ARPP21: variants seen among roughly 807,000 people sequenced by gnomAD.
The protein encoded by ARPP21 is cAMP-regulated phosphoprotein 21.
In ARPP21, 69 loss-of-function variants were observed where a neutral mutation model predicts 113.2. The observed-to-expected ratio is 0.61, with a 90% CI of 0.50 to 0.74. The LOEUF (loss-of-function observed/expected upper bound fraction) is 0.74. ARPP21 is among the 30% of genes least tolerant of loss of function. ARPP21 has a pLI of 0.00. For missense variants in ARPP21, 1,070 were observed against 1,037.4 expected (o/e 1.03, Z -0.43); for synonymous variants, 368 against 375.5 (o/e 0.98, Z 0.23).
chr3:35,786,867 TC>T (rs2151841107), intron 19 of ARPP21, among the ~76,000 whole-genome samples: 2 of 152,226 alleles, frequency 1.3e-5, no homozygotes, highest in South Asian at 2.1e-4. Context: ...ACCCCAAAAT[TC>T]ACCTCTCTGA....
intron 9 of ARPP21, among the ~76,000 whole-genome samples, chr3:35,703,123 G>C (rs2087121700): frequency 1.3e-5 from 2 of 151,736 alleles, no homozygotes; most frequent in East Asian, 3.9e-4. Context: ...TTTATGTTTG[G>C]AAAATAAGGG....
intron 1 of ARPP21, among the ~76,000 whole-genome samples, chr3:35,646,953 C>CT (rs1345636892): frequency 6.6e-6 from 1 of 152,168 alleles, no homozygotes; most frequent in East Asian, 1.9e-4. Context: ...GGTCACAACA[C>CT]TTTTTTGTGT....
intron 19 of ARPP21, among the ~76,000 whole-genome samples, chr3:35,772,210 T>C (rs2096227863): frequency 1.3e-5 from 2 of 152,162 alleles, no homozygotes; most frequent in South Asian, 4.1e-4. Context: ...TCCGTATCAG[T>C]TATTCTTGGA....
intron 16 of ARPP21, among the ~76,000 whole-genome samples, chr3:35,737,641 G>C (rs778241057): frequency 2.6e-5 from 4 of 152,080 alleles, no homozygotes; most frequent in Non-Finnish European, 5.9e-5. Context: ...TTTTTTAAAT[G>C]TATGGAGGAG....
chr3:35,765,416 G>A (rs2095933139), intron 19 of ARPP21, among the ~76,000 whole-genome samples: 1 of 152,112 alleles, frequency 6.6e-6, no homozygotes, highest in Non-Finnish European at 1.5e-5. Flanking sequence ...GAAGGGAAAT[G>A]CTGTAATGTG....
intron 19 of ARPP21, among the ~76,000 whole-genome samples, chr3:35,785,605 C>T (rs1266407807): frequency 6.6e-6 from 1 of 152,136 alleles, no homozygotes; most frequent in African/African-American, 2.4e-5. Context: ...GGCCCCTGAG[C>T]CTGCAGTAAT....
At chr3:35,659,067 A>G (rs2149109766) in intron 1 of ARPP21, among the ~76,000 whole-genome samples, 1 of 152,338 alleles carries the variant, frequency 6.6e-6, no homozygotes, top group South Asian at 2.1e-4. Context: ...CCCACACAGC[A>G]CATATTCTCT....
intron 11 of ARPP21, among the ~76,000 whole-genome samples, chr3:35,709,946 G>A (rs2090505665): frequency 6.6e-6 from 1 of 152,182 alleles, no homozygotes. Flanking sequence ...AGCCAGCCCA[G>A]AGAAGTAGGC....
chr3:35,776,424 G>A (rs2096369432), intron 19 of ARPP21, among the ~76,000 whole-genome samples: 1 of 152,136 alleles, frequency 6.6e-6, no homozygotes. Context: ...GCTGGCCAGG[G>A]AAAGCAGAGG....
intron 9 of ARPP21, among the ~76,000 whole-genome samples, chr3:35,704,701 T>A (rs1301972970): frequency 2.6e-5 from 4 of 152,160 alleles, no homozygotes; most frequent in Non-Finnish European, 5.9e-5. Context: ...GTGACTTTTT[T>A]AATCTGTCCC....
At chr3:35,773,765 A>C (rs945709289) in intron 19 of ARPP21, among the ~76,000 whole-genome samples, 3 of 152,122 alleles carry the variant, frequency 2.0e-5, no homozygotes, top group Non-Finnish European at 4.4e-5. Flanking sequence ...TTTAATTAAA[A>C]TTTTATCCTC....
At chr3:35,764,167 GT>G (rs2095873355) in intron 19 of ARPP21, among the ~76,000 whole-genome samples, 1 of 152,046 alleles carries the variant, frequency 6.6e-6, no homozygotes, top group African/African-American at 2.4e-5. Context: ...TATGGCAAAA[GT>G]TTTCACTTTT....
intron 19 of ARPP21, among the ~76,000 whole-genome samples, chr3:35,786,380 G>T (rs887253921): frequency 3.9e-5 from 6 of 151,952 alleles, no homozygotes; most frequent in Non-Finnish European, 8.8e-5. Context: ...AAATTAGCTG[G>T]GTGTGGTGGT....
At chr3:35,746,555 G>A (rs1448055683) in intron 19 of ARPP21, among the ~76,000 whole-genome samples, 1 of 152,184 alleles carries the variant, frequency 6.6e-6, no homozygotes, top group Non-Finnish European at 1.5e-5. Context: ...CCACAGTCAT[G>A]TTTTAACTTG....
At chr3:35,657,773 C>G (rs1383193592) in intron 1 of ARPP21, among the ~76,000 whole-genome samples, 1 of 152,040 alleles carries the variant, frequency 6.6e-6, no homozygotes, top group Non-Finnish European at 1.5e-5. Flanking sequence ...CTGCTTCATT[C>G]CTCAAAGTAA....
chr3:35,750,333 A>G (rs2095358345), intron 19 of ARPP21, among the ~76,000 whole-genome samples: 1 of 151,832 alleles, frequency 6.6e-6, no homozygotes, highest in African/African-American at 2.4e-5. Flanking sequence ...CCCGTGGATT[A>G]TTTAGTGGTG....
intron 9 of ARPP21, among the ~76,000 whole-genome samples, chr3:35,702,687 G>A (rs2086884017): frequency 6.6e-6 from 1 of 151,688 alleles, no homozygotes; most frequent in Admixed American, 6.6e-5. Flanking sequence ...TTTGAGAGAT[G>A]CTAATAAAGA....
intron 1 of ARPP21, among the ~76,000 whole-genome samples, chr3:35,674,596 C>A (rs1255765927): frequency 6.6e-6 from 1 of 151,722 alleles, no homozygotes; most frequent in African/African-American, 2.4e-5. Flanking sequence ...TTCTATGTGG[C>A]TTTTGGAAAG....
chr3:35,702,353 C>G (rs2086751650), intron 9 of ARPP21, among the ~76,000 whole-genome samples: 1 of 151,722 alleles, frequency 6.6e-6, no homozygotes, highest in Non-Finnish European at 1.5e-5. Flanking sequence ...TGATGGAACT[C>G]TGCATTCATT....
Sources: allele counts gnomAD v4.1 joint callset (sites outside exome capture counted in the v4.1 genomes callset), GRCh38; gene constraint gnomAD v4.1.1; transcripts MANE v1.5; gene names NCBI Gene and HGNC (gene_info 2026-07-23, HGNC 2026-07-21).